The following VPS13B variants were observed in gnomAD, a reference collection of about 807,000 sequenced individuals.
VPS13B encodes the protein intermembrane lipid transfer protein VPS13B.
Under a neutral mutation model 426.4 loss-of-function variants are expected in VPS13B, and 285 were observed. That is an observed-to-expected ratio of 0.67 (90% CI 0.61 to 0.74). The LOEUF is 0.74. Ranked by LOEUF, VPS13B falls within the 30% of genes least tolerant of loss-of-function variation. The pLI is 0.00. For missense variants in VPS13B, 4,537 were observed against 4,782.6 expected, an observed-to-expected ratio of 0.95 and a Z score of 1.51; for synonymous variants, 1,676 against 1,676.4, an observed-to-expected ratio of 1.00 and a Z score of 0.01.
chr8:99,145,831 C>CA (rs769901740), intron 13 of VPS13B, among the ~76,000 whole-genome samples: 12 of 152,270 alleles, frequency 7.9e-5, no homozygotes, highest in Non-Finnish European at 1.0e-4. Context: ...ATTGCTGGGT[C>CA]ATATGGTAGT....
intron 33 of VPS13B, among the ~76,000 whole-genome samples, chr8:99,603,597 A>G (rs1367643391): frequency 1.3e-5 from 2 of 152,230 alleles, no homozygotes; most frequent in African/African-American, 2.4e-5. Context: ...CATATATACC[A>G]CATAGATACA....
chr8:99,215,036 G>A (rs1179501746), intron 17 of VPS13B, among the ~76,000 whole-genome samples: 1 of 152,078 alleles, frequency 6.6e-6, no homozygotes, highest in African/African-American at 2.4e-5. Flanking sequence ...CCTCAGAGGA[G>A]CCTTCTTTAA....
intron 17 of VPS13B, among the ~76,000 whole-genome samples, chr8:99,229,740 A>C (rs958054017): frequency 6.6e-6 from 1 of 152,180 alleles, no homozygotes; most frequent in Admixed American, 6.5e-5. Context: ...CAGGGAAACA[A>C]GGTCAGAGAG....
Position 99,776,770 on chromosome 8 carries a change from C to G in VPS13B, c.7248-5C>G. The G allele has an allele frequency of 6.2e-7, 1 of 1,613,962 alleles. No homozygotes were observed. Among genetic ancestry groups the G allele is most frequent in the Non-Finnish European group, 8.5e-7 (1 of 1,179,932 alleles). ...TGAACTTCTTTTATCACTTCTTTCC[C>G]ATAGCTCTGCAAGTGAGTCTGGTTC... On this transcript the variant is annotated splice_polypyrimidine_tract_variant and splice_region_variant and intron_variant, in intron 40 of 61. Transcript: ENST00000357162.
intron 16 of VPS13B, among the ~76,000 whole-genome samples, chr8:99,183,962 GA>G (rs1563588645): frequency 6.6e-6 from 1 of 152,132 alleles, no homozygotes; most frequent in Non-Finnish European, 1.5e-5. Context: ...TCTAGAAATA[GA>G]AAATATCTCT....
At chr8:99,168,373 A>C (rs771221249) in intron 15 of VPS13B, among the ~76,000 whole-genome samples, 2 of 152,108 alleles carry the variant, frequency 1.3e-5, no homozygotes, top group African/African-American at 2.4e-5. Flanking sequence ...GTTGGTAGAT[A>C]GTGTCTGTGA....
chr8:99,416,356 C>T (rs746733232), intron 21 of VPS13B, among the ~76,000 whole-genome samples: 9 of 152,120 alleles, frequency 5.9e-5, no homozygotes, highest in South Asian at 4.1e-4. Context: ...TGCTGGGCTC[C>T]GTGGGGGTGG....
chr8:99,088,594 C>A (rs907494444), intron 3 of VPS13B, among the ~76,000 whole-genome samples: 7 of 152,120 alleles, frequency 4.6e-5, no homozygotes, highest in African/African-American at 1.7e-4. Flanking sequence ...TGCTACTTCC[C>A]TCATTATTTA....
intron 19 of VPS13B, among the ~76,000 whole-genome samples, chr8:99,380,364 T>C (rs1813725761): frequency 6.6e-6 from 1 of 152,194 alleles, no homozygotes; most frequent in East Asian, 1.9e-4. Context: ...GTATATTATA[T>C]ATTAAATTGG....
chr8:99,455,866 G>A (rs1173711257), intron 23 of VPS13B, among the ~76,000 whole-genome samples: 2 of 152,178 alleles, frequency 1.3e-5, no homozygotes, highest in Non-Finnish European at 2.9e-5. Flanking sequence ...CAATTCACCA[G>A]TTGATATGTA....
At chr8:99,808,964 A>T (rs978051069) in intron 43 of VPS13B, among the ~76,000 whole-genome samples, 4 of 150,718 alleles carry the variant, frequency 2.7e-5, no homozygotes, top group Non-Finnish European at 5.9e-5. Flanking sequence ...TTGATGATTA[A>T]AAAAAAAACC....
At chr8:99,035,085 T>C (rs1842683849) in intron 2 of VPS13B, among the ~76,000 whole-genome samples, 2 of 148,418 alleles carry the variant, frequency 1.3e-5, no homozygotes, top group Admixed American at 6.7e-5. Context: ...TCCTAGCTAC[T>C]TGGCATGCTG....
At chr8:99,275,331 A>C in intron 19 of VPS13B, 77 bp downstream of exon 19, 1 of 1,292,500 alleles carries the variant, frequency 7.7e-7, no homozygotes, top group Non-Finnish European at 1.0e-6. Context: ...TAAAATTGGT[A>C]TATATTTTTT....
chr8:99,051,235 G>T (rs1843532067), intron 3 of VPS13B, among the ~76,000 whole-genome samples: 1 of 152,148 alleles, frequency 6.6e-6, no homozygotes, highest in South Asian at 2.1e-4. Context: ...TCCAGTTTCA[G>T]CTTTCTACAT....
chr8:99,203,491 T>C (rs967129499), intron 17 of VPS13B, among the ~76,000 whole-genome samples: 4 of 152,088 alleles, frequency 2.6e-5, no homozygotes, highest in African/African-American at 7.2e-5. Flanking sequence ...CTATTCAACA[T>C]AGTATTGGAA....
intron 32 of VPS13B, 67 bp downstream of exon 32, chr8:99,575,851 A>G: frequency 2.6e-6 from 4 of 1,529,930 alleles, no homozygotes; most frequent in Non-Finnish European, 3.6e-6. Context: ...TATGTTAGGG[A>G]TTGCCACAGT....
intron 3 of VPS13B, among the ~76,000 whole-genome samples, chr8:99,086,139 T>A (rs536917200): frequency 3.4e-4 from 52 of 152,316 alleles, no homozygotes; most frequent in African/African-American, 1.2e-3. Flanking sequence ...CCCATATTTC[T>A]TGGAGGCTTT....
intron 8 of VPS13B, among the ~76,000 whole-genome samples, chr8:99,122,070 A>G (rs2132519026): frequency 6.6e-6 from 1 of 150,464 alleles, no homozygotes; most frequent in South Asian, 2.1e-4. Context: ...CATGTTGCCC[A>G]GGCTGGTCTC....
rs372768966 is a variant in VPS13B, at chr8:99,718,692, A to G, written c.6657+1319A>G. Reference sequence around the variant, plus strand: ...TTTTCTTTTTTTTTTTTTGAGACAGAATCTCATTTTGTTGCACATCCTGAA... The same window carrying G: ...TTTTCTTTTTTTTTTTTTGAGACAGGATCTCATTTTGTTGCACATCCTGAA... On this transcript the variant is annotated intron_variant, in intron 37 of 61. Coordinates refer to ENST00000357162, the MANE Select transcript of VPS13B (RefSeq NM_152564.5). 1.5e-3 allele frequency among the ~76,000 whole-genome samples: 229 copies of G among 150,870 alleles called. 1 individual carries two copies. Among genetic ancestry groups the G allele is most frequent in the African/African-American group, 5.3e-3 (217 of 41,122 alleles).
Sources: gnomAD v4.1 joint callset for allele counts (sites outside exome capture counted in the v4.1 genomes callset) on GRCh38, gnomAD v4.1.1 for gene constraint, MANE v1.5 for transcripts, NCBI Gene and HGNC (gene_info 2026-07-23, HGNC 2026-07-21) for gene names.